Variants in LRRC8A observed in about 807,000 individuals in gnomAD.
The protein encoded by LRRC8A is leucine rich repeat containing 8 VRAC subunit A, also known as volume-regulated anion channel subunit LRRC8A.
In LRRC8A, 24 loss-of-function variants were observed where a neutral mutation model predicts 52.5. That is an observed-to-expected ratio of 0.46 (90% confidence interval 0.33 to 0.64). The LOEUF is 0.64. Among genes scored for constraint, LRRC8A ranks in the 30% least tolerant of loss-of-function variants. LRRC8A has a pLI of 0.02. For missense variants in LRRC8A, 677 were observed against 1,094.7 expected (o/e 0.62, Z 5.38); for synonymous variants, 492 against 494.2 (o/e 1.00, Z 0.06).
At position 128,899,137 on chromosome 9, in the gene LRRC8A, AC is replaced by A. The variant is rs1218007926; in HGVS notation, c.-8-8019del. On this transcript the variant is annotated intron_variant, in intron 2 of 3. Transcript: ENST00000372600. The surrounding 1 kb of genome is among the most constrained non-coding windows in gnomAD (Gnocchi z 4.0). ...GCACCCACCCCTTGGCCCATTTTTT[AC>A]ACAACATGGACACATGTTTAACAGG... Among the ~76,000 whole-genome samples the A allele has an allele frequency of 6.6e-6, 1 of 152,144 alleles. No individual in the cohort carries two copies. Among genetic ancestry groups the A allele is most frequent in the East Asian group, 1.9e-4 (1 of 5,188 alleles).
chr9:128,893,704 CT>C (rs955511679), intron 2 of LRRC8A, among the ~76,000 whole-genome samples: 4 of 152,052 alleles, frequency 2.6e-5, no homozygotes, highest in African/African-American at 9.7e-5. Context: ...TGAGGAAGGT[CT>C]TTTGATTTAT....
intron 2 of LRRC8A, among the ~76,000 whole-genome samples, chr9:128,900,062 T>TC (rs1484184552): frequency 6.6e-6 from 1 of 152,186 alleles, no homozygotes; most frequent in Non-Finnish European, 1.5e-5. Flanking sequence ...AGTCCTGAGT[T>TC]CCTGGGCAGG....
rs1564527351 is a variant in LRRC8A at position 128,907,902 on chromosome 9, G to A, written c.738G>A (p.Lys246=). 6.2e-7 allele frequency: 1 copy of A among 1,614,124 alleles called. No homozygotes were observed. Among genetic ancestry groups the A allele is most frequent in the Non-Finnish European group, 8.5e-7 (1 of 1,180,034 alleles). Residue 246 remains lysine (K), a synonymous_variant, in exon 3 of 4, where the codon AAG becomes AAA. Coordinates refer to ENST00000372600, the MANE Select transcript of LRRC8A (RefSeq NM_019594.4). The surrounding 1 kb of genome is among the most constrained non-coding windows in gnomAD (Gnocchi z 9.3). ...EGEQAKALFE[K]VKKFRTHVEE... ...AGCAAGCCAAGGCGCTGTTTGAGAA[G>A]GTGAAGAAGTTCCGGACCCATGTGG...
rs1024855071 is a variant in LRRC8A, at chr9:128,902,073, C to T, written c.-8-5084C>T. Reference sequence around the variant, plus strand: ...GCCGGGCCAGGCCTGTGAGAGACTCCAGTCCAGGCCCTTCTCAGCTCTGCA... The same window carrying T: ...GCCGGGCCAGGCCTGTGAGAGACTCTAGTCCAGGCCCTTCTCAGCTCTGCA... On this transcript the variant is annotated intron_variant, in intron 2 of 3. Coordinates refer to ENST00000372600, the MANE Select transcript of LRRC8A (RefSeq NM_019594.4). The surrounding 1 kb of genome is among the most constrained non-coding windows in gnomAD (Gnocchi z 4.1). Among the ~76,000 whole-genome samples, 10 of 152,228 alleles carry T rather than the reference C, an allele frequency of 6.6e-5. No homozygotes were observed. The highest frequency in any genetic ancestry group is 2.6e-4 in the Admixed American group (4 of 15,284).
intron 2 of LRRC8A, among the ~76,000 whole-genome samples, chr9:128,894,809 A>G: frequency 7.1e-6 from 1 of 140,816 alleles, no homozygotes; most frequent in African/African-American, 2.6e-5. Context: ...AAAAAAAAAA[A>G]GATATCATAT....
At chr9:128,897,773 A>G (rs562243113) in intron 2 of LRRC8A, among the ~76,000 whole-genome samples, 2 of 151,574 alleles carry the variant, frequency 1.3e-5, no homozygotes, top group African/African-American at 4.9e-5. Flanking sequence ...CAAACTCCTG[A>G]CCTCAGGTGA....
intron 2 of LRRC8A, among the ~76,000 whole-genome samples, chr9:128,888,686 G>A (rs1839490851): frequency 6.6e-6 from 1 of 152,138 alleles, no homozygotes; most frequent in Admixed American, 6.5e-5. Context: ...TTGCGGGGCT[G>A]CGAGAGCGTC....
chr9:128,908,273 A>G lies in LRRC8A; in HGVS notation c.1109A>G (p.Asn370Ser). 6.2e-7 allele frequency: 1 copy of G among 1,614,094 alleles called. No homozygotes were observed. The highest frequency in any genetic ancestry group is 1.3e-5 in the African/African-American group (1 of 75,026). ...TACAGCGACATCCCCGACGTCAAGA[A>G]CGACTTCGCCTTCATGCTGCACCTC... ...SSYSDIPDVK[N>S]DFAFMLHLID... The change falls in exon 3 of 4, where the codon AAC (asparagine) becomes AGC (serine). Residue 370 changes from asparagine to serine, a missense_variant. Physicochemically the swap from Asn to Ser is conservative, Grantham distance 46. Around this residue, in one of 4 missense-constraint regions of LRRC8A, gnomAD observed 422 missense variants for 741.5 expected, o/e 0.57. Coordinates refer to ENST00000372600, the MANE Select transcript of LRRC8A (RefSeq NM_019594.4).
Position 128,908,426 on chromosome 9 carries a change from C to G in LRRC8A, c.1262C>G (p.Thr421Ser). The G allele has an allele frequency of 6.2e-7, 1 of 1,613,596 alleles. No homozygotes were observed. The highest frequency in any genetic ancestry group is 8.5e-7 in the Non-Finnish European group (1 of 1,180,038). ...WTLDKLRQRL[T>S]KNAQDKLELH... The stretch of plus-strand genomic sequence containing the variant: ...CTGGACAAGCTCCGGCAGCGGCTCA[C>G]CAAGAACGCGCAGGACAAGCTGGAG... The change falls in exon 3 of 4, where the codon ACC (threonine) becomes AGC (serine). Residue 421 changes from threonine (T) to serine (S), a missense_variant. Thr to Ser is a moderately conservative substitution (Grantham distance 58). Coordinates refer to ENST00000372600, the MANE Select transcript of LRRC8A (RefSeq NM_019594.4).
In LRRC8A at chr9:128,908,624, C is replaced by T. The variant is rs1225279411; in HGVS notation, c.1460C>T (p.Ala487Val). The T allele has an allele frequency of 5.6e-6, 9 of 1,612,642 alleles. No individual in the cohort carries two copies. Among genetic ancestry groups the T allele is most frequent in the Non-Finnish European group, 6.8e-6 (8 of 1,179,872 alleles). ...ACAGCGGCCAAGATTGAAGCGCCCGCGCTGGCCTTCCTGCGTGAGAACCTG... is the reference window on the plus strand; with the variant it reads ...ACAGCGGCCAAGATTGAAGCGCCCGTGCTGGCCTTCCTGCGTGAGAACCTG... ...YHTAAKIEAP[A>V]LAFLRENLRA... Residue 487 changes from alanine (A) to valine (V), a missense_variant, in exon 3 of 4, where the codon GCG becomes GTG. Transcript: ENST00000372600.
rs575963337 is a variant in LRRC8A at position 128,917,036 on chromosome 9, T to TG, written c.*665_*666insG. 32 of 145,768 alleles carry TG rather than the reference T, an allele frequency of 2.2e-4. 1 individual carries two copies. The East Asian group carries it at 4.6e-3, about 21-fold the overall frequency. The allele number at this position is 145,768 out of a possible 1,614,324, so 9.0% of individuals were successfully genotyped here. On this transcript the variant is annotated 3_prime_UTR_variant, in exon 4 of 4. Coordinates refer to ENST00000372600, the MANE Select transcript of LRRC8A (RefSeq NM_019594.4). ...GTGGCAGTTTTAGTTTTTTGTTTTT[T>TG]TTTTTTTAATCAAAAAACAATTTTT...
chr9:128,889,905 T>C (rs10739739), intron 2 of LRRC8A, among the ~76,000 whole-genome samples: 151,553 of 152,054 alleles, frequency 1, 75,531 homozygotes, highest in Middle Eastern at 1. Context: ...TGGGTTCAAG[T>C]GATTCTCCTG....
At chr9:128,910,037 C>G (rs1840439987) in intron 3 of LRRC8A, among the ~76,000 whole-genome samples, 1 of 152,200 alleles carries the variant, frequency 6.6e-6, no homozygotes, top group South Asian at 2.1e-4. Flanking sequence ...GGGTGCCAGT[C>G]TCTTACCTGG....
In LRRC8A at chr9:128,907,095, C is replaced by T; in HGVS notation, c.-8-62C>T. On this transcript the variant is annotated intron_variant, in intron 2 of 3. Transcript: ENST00000372600. The surrounding 1 kb of genome is among the most constrained non-coding windows in gnomAD (Gnocchi z 9.3). ...AATTTTCATTGTCTTCTTCCCCTGA[C>T]CCCTGGTCCTAGGAAAGCCAGGCCA... is the stretch of plus-strand genomic sequence containing the variant. 1.5e-6 allele frequency: 2 copies of T among 1,311,018 alleles called. No individual in the cohort carries two copies. The highest frequency in any genetic ancestry group is 1.3e-5 in the South Asian group (1 of 76,670). 81.2% of individuals were successfully genotyped at this position (1,311,018 alleles called of 1,614,324 possible).
At position 128,897,791 on chromosome 9, in the gene LRRC8A, A is replaced by G. The variant is rs1839873348; in HGVS notation, c.-8-9366A>G. Reference sequence around the variant, plus strand: ...ACTCCTGACCTCAGGTGATCCTCCCACCTCGGCCTTCCAAAGTGCTGGGAT... The same window carrying G: ...ACTCCTGACCTCAGGTGATCCTCCCGCCTCGGCCTTCCAAAGTGCTGGGAT... On this transcript the variant is annotated intron_variant, in intron 2 of 3. Coordinates refer to ENST00000372600, the MANE Select transcript of LRRC8A (RefSeq NM_019594.4). Among the ~76,000 whole-genome samples, 4 of 151,850 alleles carry G rather than the reference A, an allele frequency of 2.6e-5. No individual in the cohort carries two copies. In the South Asian group the frequency reaches 6.2e-4, roughly 24 times the overall value.
At position 128,909,001 on chromosome 9, in the gene LRRC8A, C is replaced by G. The variant is rs757386567; in HGVS notation, c.1837C>G (p.Leu613Val). The change falls in exon 3 of 4, where the codon CTC becomes GTC. Residue 613 changes from leucine (L) to valine (V), a missense_variant. Leu to Val is a conservative substitution (Grantham distance 32). Transcript: ENST00000372600. ...LERIPHSIFS[L>V]HNLQEIDLKD... ...GCGCATCCCCCACTCCATCTTCAGCCTCCACAACCTGCAGGAGATTGACCT... is the reference window on the plus strand; with the variant it reads ...GCGCATCCCCCACTCCATCTTCAGCGTCCACAACCTGCAGGAGATTGACCT... The G allele has an allele frequency of 1.2e-6, 2 of 1,614,148 alleles. No homozygotes were observed. The highest frequency in any genetic ancestry group is 1.7e-6 in the Non-Finnish European group (2 of 1,180,018).
Position 128,908,808 on chromosome 9 carries a change from G to T in LRRC8A, c.1644G>T (p.Val548=). 1 of 1,613,546 alleles carries T rather than the reference G, an allele frequency of 6.2e-7. No homozygotes were observed. The highest frequency in any genetic ancestry group is 8.5e-7 in the Non-Finnish European group (1 of 1,180,038). ...TGCGGGAGCTCAAACGCCTCAAGGT[G>T]CTGCGGCTCAAGAGCAACCTAAGCA... ...DGLRELKRLK[V]LRLKSNLSKL... Residue 548 remains valine (V), a synonymous_variant, in exon 3 of 4, where the codon GTG becomes GTT. Coordinates refer to ENST00000372600, the MANE Select transcript of LRRC8A (RefSeq NM_019594.4).
chr9:128,903,747 G>T (rs941210850), intron 2 of LRRC8A, among the ~76,000 whole-genome samples: 35 of 151,670 alleles, frequency 2.3e-4, no homozygotes, highest in African/African-American at 8.5e-4. Flanking sequence ...TCCTACCTAG[G>T]CCGGGCACGG....
chr9:128,895,750 G>A (rs1167240507), intron 2 of LRRC8A, among the ~76,000 whole-genome samples: 1 of 152,200 alleles, frequency 6.6e-6, no homozygotes, highest in Non-Finnish European at 1.5e-5. Context: ...AGGAGGAGCT[G>A]CCTCTGCTGC....
Sources: allele counts gnomAD v4.1 joint callset (sites outside exome capture counted in the v4.1 genomes callset), GRCh38; gene constraint gnomAD v4.1.1; regional missense constraint gnomAD v4.1.1; non-coding constraint Gnocchi (gnomAD v3.1); transcripts MANE v1.5; gene names NCBI Gene and HGNC (gene_info 2026-07-23, HGNC 2026-07-21).